Variants in STXBP6 observed in about 807,000 individuals in gnomAD.
STXBP6 encodes the protein syntaxin-binding protein 6.
Under a neutral mutation model 26.9 loss-of-function variants are expected in STXBP6, and 21 were observed. The ratio of observed to expected loss-of-function variants is 0.78; its 90% CI spans 0.55 to 1.12. The LOEUF (loss-of-function observed/expected upper bound fraction) is 1.12. STXBP6 is among the 50% of genes most tolerant of loss of function. The pLI, the probability that STXBP6 is intolerant of heterozygous loss-of-function variation, is 0.00. For synonymous variants in STXBP6, 97 were observed against 92.6 expected (o/e 1.05, Z -0.27); for missense variants, 232 against 257.9 (o/e 0.90, Z 0.69).
intron 5 of STXBP6, chr14:24,816,989 T>C (rs1207556396): frequency 2.0e-5 from 3 of 152,242 alleles, no homozygotes; most frequent in Non-Finnish European, 4.4e-5. Context: ...ACTGTGCTAA[T>C]AGCTTTGAAC....
intron 4 of STXBP6, among the ~76,000 whole-genome samples, chr14:24,834,510 GAATA>G (rs745313751): frequency 6.6e-6 from 1 of 152,170 alleles, no homozygotes; most frequent in Non-Finnish European, 1.5e-5. Context: ...AGGTATTGAG[GAATA>G]AATAGTCCTC....
intron 2 of STXBP6, among the ~76,000 whole-genome samples, chr14:24,888,422 G>C (rs557367551): frequency 3.3e-5 from 5 of 152,100 alleles, no homozygotes; most frequent in Non-Finnish European, 5.9e-5. Flanking sequence ...GGGTGAGATA[G>C]AGCTAAGATA....
chr14:24,830,300 T>C (rs1316478770), intron 4 of STXBP6, among the ~76,000 whole-genome samples: 1 of 152,054 alleles, frequency 6.6e-6, no homozygotes, highest in Non-Finnish European at 1.5e-5. Context: ...GGTGGTAGTT[T>C]GGGAATAGGA....
intron 1 of STXBP6, among the ~76,000 whole-genome samples, chr14:25,002,745 C>A (rs1200254600): frequency 1.3e-5 from 2 of 151,704 alleles, no homozygotes; most frequent in Non-Finnish European, 2.9e-5. Flanking sequence ...CAAGTCAGCA[C>A]TGAAATGTTT....
At chr14:24,856,298 T>C (rs1032338061) in intron 3 of STXBP6, among the ~76,000 whole-genome samples, 197 bp from the exon 4 acceptor site, 1 of 152,092 alleles carries the variant, frequency 6.6e-6, no homozygotes, top group African/African-American at 2.4e-5. Flanking sequence ...TATTGATACA[T>C]GTTCCTAGGA....
At chr14:24,838,943 T>C (rs2068706388) in intron 4 of STXBP6, among the ~76,000 whole-genome samples, 1 of 151,870 alleles carries the variant, frequency 6.6e-6, no homozygotes, top group South Asian at 2.1e-4. Flanking sequence ...TCAACCAGGC[T>C]AAAGAATATG....
At chr14:24,825,246 C>T (rs549971565) in intron 4 of STXBP6, among the ~76,000 whole-genome samples, 53 of 152,150 alleles carry the variant, frequency 3.5e-4, no homozygotes, top group Non-Finnish European at 6.3e-4. Flanking sequence ...CAATAGACTA[C>T]ACTGACTCCT....
At chr14:24,854,515 T>C (rs2069259418) in intron 4 of STXBP6, among the ~76,000 whole-genome samples, 1 of 152,058 alleles carries the variant, frequency 6.6e-6, no homozygotes, top group Non-Finnish European at 1.5e-5. Context: ...ATGAGAAAAA[T>C]GCTTCATAGC....
intron 1 of STXBP6, among the ~76,000 whole-genome samples, chr14:25,038,802 C>T (rs1322200358): frequency 6.6e-6 from 1 of 151,184 alleles, no homozygotes; most frequent in Non-Finnish European, 1.5e-5. Context: ...CGTGTACCCT[C>T]GAAACTAAAA....
At chr14:25,045,996 A>G (rs1295355309) in intron 1 of STXBP6, among the ~76,000 whole-genome samples, 2 of 152,188 alleles carry the variant, frequency 1.3e-5, no homozygotes, top group African/African-American at 4.8e-5. Context: ...CAGTATAACT[A>G]GTGTTTTAGT....
chr14:24,916,823 T>G (rs76826746), intron 2 of STXBP6, among the ~76,000 whole-genome samples: 1 of 152,186 alleles, frequency 6.6e-6, no homozygotes, highest in Admixed American at 6.5e-5. Context: ...AATCAGCATT[T>G]CAATAAAATC....
chr14:24,920,791 T>C (rs1283323192), intron 2 of STXBP6, among the ~76,000 whole-genome samples: 3 of 152,068 alleles, frequency 2.0e-5, no homozygotes, highest in Admixed American at 1.3e-4. Context: ...AAGAATAGTA[T>C]GAAGGGTTTG....
In STXBP6 at chr14:24,823,836, TAACA is replaced by T. The variant is rs1383721419; in HGVS notation, c.452-4646_452-4643del. Among the ~76,000 whole-genome samples, 9 of 152,338 alleles carry T rather than the reference TAACA, an allele frequency of 5.9e-5. No individual in the cohort carries two copies. In the East Asian group the frequency reaches 1.5e-3, roughly 26 times the overall value. On this transcript the variant is annotated intron_variant, in intron 4 of 5. Transcript: ENST00000323944. ...AAATGTGTAAAATAGATATGGGTTC[TAACA>T]AACACAAAAATTGGTAGGGAGACCT...
At chr14:24,960,026 A>C (rs2140114272) in intron 2 of STXBP6, among the ~76,000 whole-genome samples, 1 of 152,366 alleles carries the variant, frequency 6.6e-6, no homozygotes, top group East Asian at 1.9e-4. Flanking sequence ...AGGTTCCAAA[A>C]GGGGAGCAGA....
intron 2 of STXBP6, among the ~76,000 whole-genome samples, chr14:24,889,639 G>A (rs1228911498): frequency 6.6e-6 from 1 of 151,898 alleles, no homozygotes; most frequent in Non-Finnish European, 1.5e-5. Context: ...ATATGTATGT[G>A]TGTGTATGAA....
At position 24,856,001 on chromosome 14, in the gene STXBP6, G is replaced by A. The variant is rs1416360585; in HGVS notation, c.386C>T (p.Thr129Ile). The A allele has an allele frequency of 1.2e-6, 2 of 1,611,646 alleles. No individual in the cohort carries two copies. The highest frequency in any genetic ancestry group is 1.7e-5 in the Admixed American group (1 of 59,652). Residue 129 changes from threonine (T) to isoleucine (I), a missense_variant, in exon 4 of 6, where the codon ACC becomes ATC. By Grantham distance (89) the Thr-to-Ile change is moderately conservative. Coordinates refer to ENST00000323944, the MANE Select transcript of STXBP6 (RefSeq NM_001394410.1). ...KCTFFQILHH[T>I]CQRYLTDRKP... Reference sequence around the variant, plus strand: ...CCTGTCCGTGAGGTACCTCTGGCAGGTATGGTGGAGGATCTGGAAGAAGGT... The same window carrying A: ...CCTGTCCGTGAGGTACCTCTGGCAGATATGGTGGAGGATCTGGAAGAAGGT...
intron 4 of STXBP6, among the ~76,000 whole-genome samples, chr14:24,836,455 G>A (rs531739784): frequency 6.6e-5 from 10 of 151,784 alleles, no homozygotes; most frequent in South Asian, 6.3e-4. Context: ...AAAATTAGCC[G>A]GGTGTGGTGG....
At chr14:25,029,811 C>T (rs1952491) in intron 1 of STXBP6, among the ~76,000 whole-genome samples, 18,824 of 152,074 alleles carry the variant, frequency 0.12, 1,268 homozygotes, top group African/African-American at 0.14. Flanking sequence ...AATCCTAACA[C>T]CTGGACACTC....
chr14:24,882,549 C>G (rs148173729), intron 2 of STXBP6, among the ~76,000 whole-genome samples: 2 of 152,146 alleles, frequency 1.3e-5, no homozygotes, highest in East Asian at 3.9e-4. Context: ...AGCTGCCTTA[C>G]GTGTTTCTAG....
Sources: allele counts gnomAD v4.1 joint callset (sites outside exome capture counted in the v4.1 genomes callset), GRCh38; gene constraint gnomAD v4.1.1; transcripts MANE v1.5; gene names NCBI Gene and HGNC (gene_info 2026-07-23, HGNC 2026-07-21).